The following IGF2BP3 variants were observed in gnomAD, a reference collection of about 807,000 sequenced individuals.
IGF2BP3 encodes insulin-like growth factor 2 mRNA-binding protein 3.
Under a neutral mutation model 73.8 loss-of-function variants are expected in IGF2BP3, and 9 were observed. That is an observed-to-expected ratio of 0.12 (90% CI 0.07 to 0.21). The LOEUF is 0.21. Ranked by LOEUF, IGF2BP3 falls within the 10% of genes least tolerant of loss-of-function variation. IGF2BP3 has a pLI of 1.00. For missense variants in IGF2BP3, 542 were observed against 714.0 expected, an observed-to-expected ratio of 0.76 and a Z score of 2.75; for synonymous variants, 258 against 256.7, an observed-to-expected ratio of 1.01 and a Z score of -0.05.
intron 10 of IGF2BP3, among the ~76,000 whole-genome samples, chr7:23,327,099 G>C (rs552347358): frequency 3.3e-5 from 5 of 151,424 alleles, no homozygotes; most frequent in Non-Finnish European, 7.4e-5. Context: ...AATTAAAAAA[G>C]AAGATATTTT....
intron 5 of IGF2BP3, among the ~76,000 whole-genome samples, chr7:23,356,640 T>TA (rs1288188444): frequency 6.6e-6 from 1 of 152,206 alleles, no homozygotes; most frequent in African/African-American, 2.4e-5. Context: ...ACCCTGTATA[T>TA]AATACAGGGT....
chr7:23,313,394 TCTC>T, intron 13 of IGF2BP3, 125 bp downstream of exon 13: 1 of 1,018,438 alleles, frequency 9.8e-7, no homozygotes, highest in South Asian at 1.7e-5. Context: ...AAGGCAATCT[TCTC>T]CAAACCTTGG....
intron 10 of IGF2BP3, among the ~76,000 whole-genome samples, chr7:23,337,175 G>GCAA (rs140114747): frequency 0.018 from 2,677 of 152,004 alleles, 79 homozygotes; most frequent in African/African-American, 0.056. Flanking sequence ...CCCACCCCCT[G>GCAA]CAACTTGAAG....
At chr7:23,338,166 C>CA (rs1217691174) in intron 10 of IGF2BP3, among the ~76,000 whole-genome samples, 2 of 152,062 alleles carry the variant, frequency 1.3e-5, no homozygotes, top group African/African-American at 2.4e-5. Context: ...GTTGGGATGG[C>CA]AGGTGGTCCA....
At chr7:23,368,331 G>GAAAA (rs1177320425) in intron 3 of IGF2BP3, among the ~76,000 whole-genome samples, 16 of 94,004 alleles carry the variant, frequency 1.7e-4, no homozygotes, top group African/African-American at 5.3e-4. Flanking sequence ...AGAAAGAAAA[G>GAAAA]AAAGAAAGAA....
intron 2 of IGF2BP3, among the ~76,000 whole-genome samples, chr7:23,427,858 T>A (rs2390751): frequency 0.19 from 28,076 of 151,732 alleles, 2,891 homozygotes; most frequent in African/African-American, 0.25. Flanking sequence ...ATATAAAAAA[T>A]TAGCTGGGCA....
chr7:23,339,027 A>T (rs1784643522), intron 10 of IGF2BP3, among the ~76,000 whole-genome samples: 1 of 152,266 alleles, frequency 6.6e-6, no homozygotes, highest in African/African-American at 2.4e-5. Context: ...TCCTTTAAGA[A>T]TGCGAATTTC....
chr7:23,383,822 C>T (rs961069092), intron 3 of IGF2BP3, among the ~76,000 whole-genome samples: 4 of 152,082 alleles, frequency 2.6e-5, no homozygotes, highest in African/African-American at 2.4e-5. Flanking sequence ...TGGAGCCGGG[C>T]GCGGTGGCTC....
intron 3 of IGF2BP3, among the ~76,000 whole-genome samples, chr7:23,376,742 C>A (rs1275357101): frequency 6.6e-6 from 1 of 152,074 alleles, no homozygotes; most frequent in African/African-American, 2.4e-5. Flanking sequence ...GTGGTGCATG[C>A]CTGTAGTCCC....
At chr7:23,361,831 G>T in intron 3 of IGF2BP3, 90 bp from the exon 4 acceptor site, 1 of 1,223,048 alleles carries the variant, frequency 8.2e-7, no homozygotes, top group Non-Finnish European at 1.1e-6. Context: ...CTAAGTAATT[G>T]TGATGGAAAA....
At chr7:23,342,539 T>G (rs1418861367) in intron 9 of IGF2BP3, among the ~76,000 whole-genome samples, 1 of 151,962 alleles carries the variant, frequency 6.6e-6, no homozygotes, top group Non-Finnish European at 1.5e-5. Context: ...TGTATCAGAG[T>G]TGAAGAGGTA....
intron 2 of IGF2BP3, among the ~76,000 whole-genome samples, chr7:23,445,059 A>G (rs1788028417): frequency 6.6e-6 from 1 of 152,190 alleles, no homozygotes; most frequent in Non-Finnish European, 1.5e-5. Flanking sequence ...CCCTGTCTCT[A>G]AAAAACAACA....
Position 23,465,368 on chromosome 7 carries a change from C to T in IGF2BP3, c.236+3114G>A, listed in dbSNP as rs117165885. On this transcript the variant is annotated intron_variant, in intron 2 of 14. Coordinates refer to ENST00000258729, the MANE Select transcript of IGF2BP3 (RefSeq NM_006547.3). ...TTCTCTTTAGTCCAGCTGCAGGAGA[C>T]TTCAATGTCTGTAAAGTAACTGCTA... Among the ~76,000 whole-genome samples, 697 of 152,326 alleles carry T rather than the reference C, an allele frequency of 4.6e-3. 4 individuals carry two copies. The highest frequency in any genetic ancestry group is 7.2e-3 in the Non-Finnish European group (492 of 68,022).
intron 10 of IGF2BP3, among the ~76,000 whole-genome samples, chr7:23,333,473 G>A (rs1355017759): frequency 6.6e-6 from 1 of 152,202 alleles, no homozygotes; most frequent in Non-Finnish European, 1.5e-5. Context: ...CTGACATAGT[G>A]ATGAAGGGCT....
chr7:23,330,061 CAGATCACA>C (rs1273264395), intron 10 of IGF2BP3, among the ~76,000 whole-genome samples: 1 of 151,934 alleles, frequency 6.6e-6, no homozygotes, highest in Non-Finnish European at 1.5e-5. Flanking sequence ...CCGAGGTGGG[CAGATCACA>C]AGGTCAGGAG....
intron 11 of IGF2BP3, among the ~76,000 whole-genome samples, chr7:23,318,593 C>A (rs565689418): frequency 1.3e-5 from 2 of 152,158 alleles, no homozygotes; most frequent in East Asian, 3.8e-4. Flanking sequence ...TCTATTACGG[C>A]AGACACCATT....
intron 2 of IGF2BP3, among the ~76,000 whole-genome samples, chr7:23,426,615 C>A (rs1182893341): frequency 6.6e-6 from 1 of 152,182 alleles, no homozygotes; most frequent in Non-Finnish European, 1.5e-5. Context: ...TTCTCACTAC[C>A]TGGAGTTTGC....
chr7:23,394,058 G>A (rs527611191), intron 3 of IGF2BP3, among the ~76,000 whole-genome samples: 2 of 151,392 alleles, frequency 1.3e-5, no homozygotes, highest in Non-Finnish European at 2.9e-5. Context: ...AGGTATAGGG[G>A]TTGTGTGATT....
chr7:23,394,909 A>T (rs1434253177), intron 3 of IGF2BP3, among the ~76,000 whole-genome samples: 1 of 152,256 alleles, frequency 6.6e-6, no homozygotes, highest in African/African-American at 2.4e-5. Context: ...TCAGCTGGGC[A>T]ACTTCAAGTA....
Sources: gnomAD v4.1 joint callset for allele counts (sites outside exome capture counted in the v4.1 genomes callset) on GRCh38, gnomAD v4.1.1 for gene constraint, MANE v1.5 for transcripts, NCBI Gene and HGNC (gene_info 2026-07-23, HGNC 2026-07-21) for gene names.